Variants in PCDHA13 observed in about 807,000 individuals in gnomAD.
PCDHA13 encodes protocadherin alpha-13.
PCDHA13 carries 54 observed loss-of-function variants against 64.8 expected under a neutral mutation model. The ratio of observed to expected loss-of-function variants is 0.83; its 90% CI spans 0.67 to 1.04. The LOEUF (loss-of-function observed/expected upper bound fraction) is 1.04. PCDHA13 is among the 50% of genes least tolerant of loss of function. The pLI is 0.00. For synonymous variants in PCDHA13, 587 were observed against 564.4 expected (o/e 1.04, Z -0.57); for missense variants, 1,248 against 1,254.3 (o/e 0.99, Z 0.08).
intron 1 of PCDHA13, among the ~76,000 whole-genome samples, chr5:140,914,530 C>T (rs1305035760): frequency 1.3e-5 from 2 of 152,096 alleles, no homozygotes; most frequent in African/African-American, 2.4e-5. Flanking sequence ...ATCCATTCAG[C>T]CACTTTATTT....
intron 1 of PCDHA13, 78 bp from the exon 2 acceptor site, chr5:140,978,871 T>A (rs1328301924): frequency 6.2e-7 from 1 of 1,606,392 alleles, no homozygotes; most frequent in Non-Finnish European, 8.5e-7. Context: ...TTTAAGGGAG[T>A]AACTAATCAA....
intron 1 of PCDHA13, among the ~76,000 whole-genome samples, chr5:140,898,029 TG>T (rs1583292931): frequency 6.6e-6 from 1 of 152,188 alleles, no homozygotes; most frequent in East Asian, 1.9e-4. Context: ...CACTTTTTGA[TG>T]GGGTTGTTTG....
intron 1 of PCDHA13, among the ~76,000 whole-genome samples, chr5:140,941,211 C>CT (rs59928198): frequency 0.24 from 30,589 of 127,372 alleles, 3,669 homozygotes; most frequent in South Asian, 0.38. Context: ...TCCTTTCTTT[C>CT]TTCCTTTCTT....
rs782354452 is a variant in PCDHA13, at chr5:140,966,783, C to G, written c.2395-12166C>G. 28 of 1,520,948 alleles carry G rather than the reference C, an allele frequency of 1.8e-5. No homozygotes were observed. The highest frequency in any genetic ancestry group is 2.1e-4 in the Middle Eastern group (1 of 4,706). The allele number at this position is 1,520,948 out of a possible 1,614,324, so 94.2% of individuals were successfully genotyped here. On this transcript the variant is annotated intron_variant, in intron 1 of 3. Transcript: ENST00000289272. ...CCAGTGGCTATGGAGCAGGCGGGCA[C>G]CAGACCTGCGGCGACAGAGCATCCA...
chr5:140,891,374 A>G (rs960838202), intron 1 of PCDHA13, among the ~76,000 whole-genome samples: 11 of 151,996 alleles, frequency 7.2e-5, no homozygotes, highest in Non-Finnish European at 1.3e-4. Flanking sequence ...TATACATTGC[A>G]CCATATTTGC....
At chr5:140,970,597 TA>T (rs2096419556) in intron 1 of PCDHA13, among the ~76,000 whole-genome samples, 4 of 152,198 alleles carry the variant, frequency 2.6e-5, no homozygotes, top group Non-Finnish European at 5.9e-5. Context: ...TGCTTTGTGA[TA>T]CTTAAAACTT....
chr5:140,893,922 G>C (rs1179113151), intron 1 of PCDHA13, among the ~76,000 whole-genome samples: 4 of 152,156 alleles, frequency 2.6e-5, no homozygotes. Context: ...GTCTTTTTCA[G>C]AATCTCTACC....
At chr5:140,979,548 C>A (rs2153819465) in intron 2 of PCDHA13, among the ~76,000 whole-genome samples, 1 of 152,286 alleles carries the variant, frequency 6.6e-6, no homozygotes, top group African/African-American at 2.4e-5. Context: ...TGACATGGTT[C>A]TTCAGAAGAT....
Position 140,883,544 on chromosome 5 carries a change from A to T in PCDHA13, c.1276A>T (p.Thr426Ser). 1 of 1,614,168 alleles carries T rather than the reference A, an allele frequency of 6.2e-7. No homozygotes were observed. Among genetic ancestry groups the T allele is most frequent in the South Asian group, 1.1e-5 (1 of 91,086 alleles). Reference protein sequence around the residue: ...ESVSAYELVVTARDGGSPSLW... With the variant: ...ESVSAYELVVSARDGGSPSLW... ...CGTATCAGCCTATGAACTGGTGGTG[A>T]CCGCGCGGGACGGGGGCTCGCCTTC... The change falls in exon 1 of 4, where the codon ACC (threonine) becomes TCC (serine). Residue 426 changes from threonine (T) to serine (S), a missense_variant. By Grantham distance (58) the Thr-to-Ser change is moderately conservative. Coordinates refer to ENST00000289272, the MANE Select transcript of PCDHA13 (RefSeq NM_018904.3).
At chr5:140,977,461 G>A (rs1554238575) in intron 1 of PCDHA13, among the ~76,000 whole-genome samples, 1 of 152,120 alleles carries the variant, frequency 6.6e-6, no homozygotes, top group African/African-American at 2.4e-5. Context: ...CTTTGATTTG[G>A]TCTGTAGATA....
At chr5:140,985,044 T>G (rs183944640) in intron 3 of PCDHA13, among the ~76,000 whole-genome samples, 1 of 152,158 alleles carries the variant, frequency 6.6e-6, no homozygotes, top group Admixed American at 6.5e-5. Flanking sequence ...TTCAAGTGAT[T>G]CTCCTGCCTC....
chr5:140,934,523 C>T (rs782685676), intron 1 of PCDHA13, among the ~76,000 whole-genome samples: 15 of 152,236 alleles, frequency 9.9e-5, no homozygotes, highest in South Asian at 8.3e-4. Context: ...GACCACACTT[C>T]GAGAGCTACC....
intron 1 of PCDHA13, among the ~76,000 whole-genome samples, chr5:140,915,707 T>C (rs545075490): frequency 1.3e-4 from 19 of 151,930 alleles, no homozygotes; most frequent in Non-Finnish European, 2.6e-4. Flanking sequence ...AGCACTCCTG[T>C]GGCCCCCACT....
At chr5:140,936,768 G>C (rs1554211177) in intron 1 of PCDHA13, among the ~76,000 whole-genome samples, 2 of 152,042 alleles carry the variant, frequency 1.3e-5, no homozygotes, top group African/African-American at 4.8e-5. Flanking sequence ...AATTGTGTAA[G>C]TTCTCTCACT....
intron 1 of PCDHA13, among the ~76,000 whole-genome samples, chr5:140,906,153 A>G (rs2072404848): frequency 6.6e-6 from 1 of 152,142 alleles, no homozygotes; most frequent in Non-Finnish European, 1.5e-5. Flanking sequence ...ACCCTCACAG[A>G]CACACCCAGG....
chr5:140,991,374 G>A (rs537981449), intron 3 of PCDHA13, among the ~76,000 whole-genome samples: 2 of 152,286 alleles, frequency 1.3e-5, no homozygotes, highest in South Asian at 4.1e-4. Context: ...TGAGTTCTAG[G>A]CCAACTGTAG....
chr5:140,995,386 A>G (rs1156268381), intron 3 of PCDHA13, among the ~76,000 whole-genome samples: 1 of 152,202 alleles, frequency 6.6e-6, no homozygotes, highest in Non-Finnish European at 1.5e-5. Context: ...TGGGCAGGAT[A>G]AAGCGGGATG....
At chr5:140,948,292 A>G (rs1174586168) in intron 1 of PCDHA13, among the ~76,000 whole-genome samples, 1 of 151,576 alleles carries the variant, frequency 6.6e-6, no homozygotes, top group Non-Finnish European at 1.5e-5. Flanking sequence ...AATTTTGTAA[A>G]GAATATCTTT....
intron 3 of PCDHA13, among the ~76,000 whole-genome samples, chr5:140,998,715 C>T (rs535565356): frequency 2.6e-5 from 4 of 152,236 alleles, no homozygotes; most frequent in African/African-American, 9.6e-5. Flanking sequence ...CAAGCTTGCA[C>T]CACCACGCTA....
Sources: gnomAD v4.1 joint callset for allele counts (sites outside exome capture counted in the v4.1 genomes callset) on GRCh38, gnomAD v4.1.1 for gene constraint, MANE v1.5 for transcripts, NCBI Gene and HGNC (gene_info 2026-07-23, HGNC 2026-07-21) for gene names.